Variants in EHD1 observed in about 807,000 individuals in gnomAD.
EHD1 encodes the protein EH domain containing 1.
EHD1 carries 19 observed loss-of-function variants against 39.0 expected under a neutral mutation model. The observed-to-expected ratio is 0.49, with a 90% CI of 0.34 to 0.72. The LOEUF (loss-of-function observed/expected upper bound fraction) is 0.72, where lower values mean the gene tolerates loss of function less well. Among genes scored for constraint, EHD1 ranks in the 30% least tolerant of loss-of-function variants. EHD1 has a pLI of 0.01. For synonymous variants in EHD1, 323 were observed against 331.2 expected, an observed-to-expected ratio of 0.98 and a Z score of 0.27; for missense variants, 542 against 751.5, an observed-to-expected ratio of 0.72 and a Z score of 3.26.
intron 3 of EHD1, 126 bp downstream of exon 3, chr11:64,859,798 G>T (rs961944048): frequency 1.5e-6 from 2 of 1,303,604 alleles, no homozygotes; most frequent in Non-Finnish European, 1.0e-6. Flanking sequence ...GGGAAACAGC[G>T]CAGTGCAGGT....
chr11:64,862,374 G>C (rs916488140), intron 2 of EHD1, among the ~76,000 whole-genome samples: 3 of 152,162 alleles, frequency 2.0e-5, no homozygotes, highest in Non-Finnish European at 4.4e-5. Context: ...TGGCCTCCCA[G>C]CTTCAGATTG....
At chr11:64,872,518 G>A (rs558295598) in intron 2 of EHD1, among the ~76,000 whole-genome samples, 52 of 152,180 alleles carry the variant, frequency 3.4e-4, no homozygotes, top group African/African-American at 1.3e-3. Flanking sequence ...CAAATGACAG[G>A]GCTTTTGCTT....
At position 64,874,488 on chromosome 11, in the gene EHD1, G is replaced by C. The variant is rs1258041031; in HGVS notation, c.435C>G (p.Val145=). Residue 145 remains valine, a synonymous_variant, in exon 2 of 5, where the codon GTC becomes GTG. Transcript: ENST00000320631. The stretch of plus-strand genomic sequence containing the variant: ...TGTCGATGATGCTGATGCTGTCCAG[G>C]ACGGGGTTGGGCAGCTGGGCACACA... ...RFMCAQLPNP[V]LDSISIIDTP... The C allele has an allele frequency of 6.2e-7, 1 of 1,610,844 alleles. No homozygotes were observed. The highest frequency in any genetic ancestry group is 8.5e-7 in the Non-Finnish European group (1 of 1,178,866).
chr11:64,855,388 G>A lies in EHD1; in HGVS notation c.1014C>T (p.Ile338=). Residue 338 remains isoleucine, a synonymous_variant, in exon 4 of 5, where the codon ATC becomes ATT. Transcript: ENST00000320631. ...GGTGCTCGCGCTCAATCTTCTGGTA[G>A]ATCTCTCCGAGGTTGTTCACCAGCT... ...KKELVNNLGE[I]YQKIEREHQI... is the part of the protein sequence containing the mutation. 1 of 1,614,170 alleles carries A rather than the reference G, an allele frequency of 6.2e-7. No homozygotes were observed. Among genetic ancestry groups the A allele is most frequent in the Non-Finnish European group, 8.5e-7 (1 of 1,180,020 alleles).
In EHD1 at chr11:64,853,186, G is replaced by C. The variant is rs1943601525; in HGVS notation, c.*1147C>G. ...CCAGGGGCGTTGTAAGGACATCCAAGTGAGCTGCCCTCCTTTGCTAAACAG... is the reference window on the plus strand; with the variant it reads ...CCAGGGGCGTTGTAAGGACATCCAACTGAGCTGCCCTCCTTTGCTAAACAG... On this transcript the variant is annotated 3_prime_UTR_variant, in exon 5 of 5. Coordinates refer to ENST00000320631, the MANE Select transcript of EHD1 (RefSeq NM_006795.4). 1.3e-5 allele frequency: 2 copies of C among 152,422 alleles called. No homozygotes were observed. The highest frequency in any genetic ancestry group is 2.9e-5 in the Non-Finnish European group (2 of 68,074). The allele number at this position is 152,422 out of a possible 1,614,324, so 9.4% of individuals were successfully genotyped here.
rs1943796213 is a variant in EHD1 at position 64,868,817 on chromosome 11, G to A, written c.502+5604C>T. Among the ~76,000 whole-genome samples, 1 of 152,224 alleles carries A rather than the reference G, an allele frequency of 6.6e-6. No individual in the cohort carries two copies. The highest frequency in any genetic ancestry group is 2.1e-4 in the South Asian group (1 of 4,836). ...AGCAAATCAGACAGAAGCAACAAAA[G>A]AGGGGCGGGAGGGGGCAGAGGAACT... On this transcript the variant is annotated intron_variant, in intron 2 of 4. Transcript: ENST00000320631. The surrounding 1 kb of genome is among the most constrained non-coding windows in gnomAD (Gnocchi z 4.2).
chr11:64,870,280 C>T (rs1045419011), intron 2 of EHD1, among the ~76,000 whole-genome samples: 53 of 152,216 alleles, frequency 3.5e-4, no homozygotes, highest in African/African-American at 1.2e-3. Flanking sequence ...CTCCTTCGCC[C>T]ACAGCCTTCA....
intron 1 of EHD1, chr11:64,877,742 GC>G: frequency 3.2e-6 from 1 of 309,438 alleles, no homozygotes; most frequent in Non-Finnish European, 5.9e-6. Context: ...AAGAAAAGGA[GC>G]GCAGGAATGG....
At position 64,878,370 on chromosome 11, in the gene EHD1, T is replaced by C; in HGVS notation, c.95A>G (p.Lys32Arg). The C allele has an allele frequency of 6.2e-7, 1 of 1,613,890 alleles. No individual in the cohort carries two copies. Among genetic ancestry groups the C allele is most frequent in the Non-Finnish European group, 8.5e-7 (1 of 1,180,016 alleles). Residue 32 changes from lysine (K) to arginine (R), a missense_variant, in exon 1 of 5, where the codon AAG becomes AGG. By Grantham distance (26) the Lys-to-Arg change is conservative. Coordinates refer to ENST00000320631, the MANE Select transcript of EHD1 (RefSeq NM_006795.4). ...GTAGTGCTCCTCCAGGGGTAGCAGC[T>C]TCTGCGCGTACAGCTGCCGCAGCCC... ...AEGLRQLYAQ[K>R]LLPLEEHYRF...
rs1943616891 is a variant in EHD1 at position 64,854,249 on chromosome 11, C to T, written c.*84G>A. On this transcript the variant is annotated 3_prime_UTR_variant, in exon 5 of 5. Transcript: ENST00000320631. ...GAAACATCCGCTCAGTCTTTATGGA[C>T]CTTGAGAAATGGTGAGGCTTCCCCT... is the stretch of plus-strand genomic sequence containing the variant. The T allele has an allele frequency of 6.7e-6, 10 of 1,483,386 alleles. No homozygotes were observed. The highest frequency in any genetic ancestry group is 2.6e-5 in the South Asian group (2 of 76,228). 91.9% of individuals were successfully genotyped at this position (1,483,386 alleles called of 1,614,324 possible). A position where few individuals can be genotyped will look rare whatever the true frequency, so the allele number is the denominator to read the frequency against.
At chr11:64,865,375 G>C (rs1247775174) in intron 2 of EHD1, among the ~76,000 whole-genome samples, 2 of 152,354 alleles carry the variant, frequency 1.3e-5, no homozygotes, top group East Asian at 3.9e-4. Flanking sequence ...CTGGACGGCC[G>C]GTATCAAGTA....
intron 4 of EHD1, 39 bp downstream of exon 4, chr11:64,855,283 A>G: frequency 6.2e-7 from 1 of 1,605,172 alleles, no homozygotes; most frequent in Non-Finnish European, 8.5e-7. Context: ...TTCTGCCCTG[A>G]TGGCCACCAG....
chr11:64,875,277 G>A (rs901535483), intron 1 of EHD1, among the ~76,000 whole-genome samples: 2 of 152,222 alleles, frequency 1.3e-5, no homozygotes, highest in African/African-American at 2.4e-5. Context: ...AAGGCCAGGC[G>A]TGGTGGCTCA....
chr11:64,854,401 C>T lies in EHD1; in HGVS notation c.1537G>A (p.Glu513Lys). 1 of 1,613,972 alleles carries T rather than the reference C, an allele frequency of 6.2e-7. No individual in the cohort carries two copies. The highest frequency in any genetic ancestry group is 1.7e-5 in the Admixed American group (1 of 60,028). Residue 513 changes from glutamate (E) to lysine (K), a missense_variant, in exon 5 of 5, where the codon GAG becomes AAG. Glu to Lys is a moderately conservative substitution (Grantham distance 56, BLOSUM62 1). Coordinates refer to ENST00000320631, the MANE Select transcript of EHD1 (RefSeq NM_006795.4). ...LANHLIKVKL[E>K]GHELPADLPP... is the part of the protein sequence containing the mutation. The stretch of plus-strand genomic sequence containing the variant: ...AGGTCGGCGGGCAGCTCGTGGCCCT[C>T]CAGCTTGACCTTGATGAGGTGGTTG...
chr11:64,876,543 T>C (rs1244270710), intron 1 of EHD1, among the ~76,000 whole-genome samples: 1 of 152,198 alleles, frequency 6.6e-6, no homozygotes, highest in Non-Finnish European at 1.5e-5. Flanking sequence ...CTTTTTCGGG[T>C]AGAAGCAGCA....
chr11:64,862,020 C>G (rs138668796), intron 2 of EHD1, among the ~76,000 whole-genome samples: 2 of 152,154 alleles, frequency 1.3e-5, no homozygotes, highest in African/African-American at 2.4e-5. Context: ...CCATCCCCCC[C>G]ACCTTAGACT....
rs891301850 is a variant in EHD1, at chr11:64,855,824, C to A, written c.916-338G>T. Reference sequence around the variant, plus strand: ...TGTCAACCCAAAGAAGGCAATTTGTCGTGTACCACTGGGCACATCACACAC... The same window carrying A: ...TGTCAACCCAAAGAAGGCAATTTGTAGTGTACCACTGGGCACATCACACAC... On this transcript the variant is annotated intron_variant, in intron 3 of 4. Coordinates refer to ENST00000320631, the MANE Select transcript of EHD1 (RefSeq NM_006795.4). 1.2e-5 allele frequency: 4 copies of A among 333,690 alleles called. No individual in the cohort carries two copies. The East Asian group carries it at 2.9e-4, about 25-fold the overall frequency. The allele number at this position is 333,690 out of a possible 1,614,324, so 20.7% of individuals were successfully genotyped here.
Position 64,874,478 on chromosome 11 carries a change from T to C in EHD1, c.445A>G (p.Ile149Val). 1 of 1,611,758 alleles carries C rather than the reference T, an allele frequency of 6.2e-7. No individual in the cohort carries two copies. Among genetic ancestry groups the C allele is most frequent in the Non-Finnish European group, 8.5e-7 (1 of 1,179,140 alleles). ...ATCCCGGGGGTGTCGATGATGCTGA[T>C]GCTGTCCAGGACGGGGTTGGGCAGC... ...AQLPNPVLDS[I>V]SIIDTPGILS... Residue 149 changes from isoleucine (I) to valine (V), a missense_variant, in exon 2 of 5, where the codon ATC becomes GTC. Ile to Val is a conservative substitution (Grantham distance 29). Coordinates refer to ENST00000320631, the MANE Select transcript of EHD1 (RefSeq NM_006795.4).
chr11:64,856,912 T>C (rs1943659876), intron 3 of EHD1, among the ~76,000 whole-genome samples: 1 of 152,192 alleles, frequency 6.6e-6, no homozygotes, highest in Non-Finnish European at 1.5e-5. Context: ...CAGGGGCTCA[T>C]GCCTGCCCCT....
Sources: gnomAD v4.1 joint callset for allele counts (sites outside exome capture counted in the v4.1 genomes callset) on GRCh38, gnomAD v4.1.1 for gene constraint, Gnocchi (gnomAD v3.1) non-coding constraint, MANE v1.5 for transcripts, NCBI Gene and HGNC (gene_info 2026-07-23, HGNC 2026-07-21) for gene names.